ZNF681: variants seen among roughly 807,000 people sequenced by gnomAD.
ZNF681 encodes zinc finger protein 681, also known as hypothetical protein FLJ31526.
In ZNF681, 37 loss-of-function variants were observed where a neutral mutation model predicts 56.0. That is an observed-to-expected ratio of 0.66 (90% CI 0.51 to 0.87). The LOEUF is 0.87. ZNF681 is among the 40% of genes least tolerant of loss of function. The pLI is 0.00. For missense variants in ZNF681, 741 were observed against 744.9 expected (o/e 0.99, Z 0.06); for synonymous variants, 225 against 248.6 (o/e 0.91, Z 0.89).
chr19:23,753,129 TGG>T (rs1198988450), intron 3 of ZNF681, among the ~76,000 whole-genome samples: 2 of 152,286 alleles, frequency 1.3e-5, no homozygotes, highest in Non-Finnish European at 2.9e-5. Context: ...CCAGGCATGG[TGG>T]CTCATGCCTG....
At chr19:23,747,773 T>A (rs1968967659) in intron 3 of ZNF681, among the ~76,000 whole-genome samples, 1 of 152,024 alleles carries the variant, frequency 6.6e-6, no homozygotes, top group Non-Finnish European at 1.5e-5. Flanking sequence ...TTCTGGATTT[T>A]AAAAAATATT....
At chr19:23,750,754 T>A (rs7259465) in intron 3 of ZNF681, among the ~76,000 whole-genome samples, 143,043 of 146,758 alleles carry the variant, frequency 0.97, 69,788 homozygotes, top group Non-Finnish European at 1. Context: ...AAGTGGTAGG[T>A]TCCCTTGAAC....
Position 23,743,918 on chromosome 19 carries a change from G to A in ZNF681, c.1632C>T (p.Asn544=), listed in dbSNP as rs781076712. The A allele has an allele frequency of 5.4e-5, 87 of 1,605,636 alleles. 1 individual carries two copies. In the South Asian group the frequency reaches 8.4e-4, roughly 15 times the overall value. ...TATGTGTAGCAAGATGTGAGGAATGGTTAAAGGCTTTGCCACATTCTTCAC... is the reference window on the plus strand; with the variant it reads ...TATGTGTAGCAAGATGTGAGGAATGATTAAAGGCTTTGCCACATTCTTCAC... The part of the protein sequence containing the change: ...YTCEECGKAF[N]HSSHLATHKV... Residue 544 remains asparagine (N), a synonymous_variant, in exon 4 of 4, where the codon AAC becomes AAT. Transcript: ENST00000402377.
rs1171870243 is a variant in ZNF681, at chr19:23,758,820, G to A, written c.-71C>T. 5.6e-6 allele frequency: 9 copies of A among 1,604,716 alleles called. No individual in the cohort carries two copies. In the African/African-American group the frequency reaches 9.4e-5, roughly 17 times the overall value. On this transcript the variant is annotated 5_prime_UTR_variant, in exon 1 of 4. Coordinates refer to ENST00000402377, the MANE Select transcript of ZNF681 (RefSeq NM_138286.3). ...TACCTGCAGGTCAGAGGGCCATAGA[G>A]GCTGGGCCTCTAGAAGAAGAGGACA...
chr19:23,757,725 C>T (rs1384498075), intron 1 of ZNF681, among the ~76,000 whole-genome samples: 1 of 152,060 alleles, frequency 6.6e-6, no homozygotes, highest in Non-Finnish European at 1.5e-5. Context: ...AAGGGTAGGG[C>T]CAGACCTAAA....
intron 3 of ZNF681, among the ~76,000 whole-genome samples, chr19:23,751,700 T>A (rs1599457764): frequency 1.3e-5 from 2 of 151,428 alleles, no homozygotes; most frequent in South Asian, 2.1e-4. Context: ...TTATTTATTT[T>A]TTTGAGATGG....
intron 3 of ZNF681, among the ~76,000 whole-genome samples, chr19:23,750,521 T>C (rs1969011835): frequency 6.6e-6 from 1 of 151,454 alleles, no homozygotes; most frequent in Non-Finnish European, 1.5e-5. Flanking sequence ...CACAAGAAAC[T>C]AATATTAAGA....
chr19:23,757,980 T>A (rs1969148681), intron 1 of ZNF681, among the ~76,000 whole-genome samples: 1 of 152,216 alleles, frequency 6.6e-6, no homozygotes, highest in Non-Finnish European at 1.5e-5. Flanking sequence ...AGGGTAATTT[T>A]ATTAAAAGAT....
At chr19:23,756,902 G>A (rs188701969) in intron 1 of ZNF681, among the ~76,000 whole-genome samples, 14 of 151,482 alleles carry the variant, frequency 9.2e-5, no homozygotes, top group African/African-American at 3.2e-4. Flanking sequence ...TTGGAGTCTC[G>A]CTCTGTCACC....
chr19:23,752,818 C>T (rs932400274), intron 3 of ZNF681, among the ~76,000 whole-genome samples: 2 of 152,086 alleles, frequency 1.3e-5, no homozygotes, highest in South Asian at 2.1e-4. Flanking sequence ...TTTAAAGACA[C>T]TAATACAAAA....
chr19:23,756,669 G>C (rs980240665), intron 1 of ZNF681, among the ~76,000 whole-genome samples: 1 of 152,028 alleles, frequency 6.6e-6, no homozygotes, highest in East Asian at 1.9e-4. Flanking sequence ...GAGAGAAAGA[G>C]CATTAGGATA....
rs1335996760 is a variant in ZNF681 at position 23,740,449 on chromosome 19, G to C, written c.*3163C>G. ...TCAGCAAAACTGAGCTTTGCAGCCTGAAAATAAATGTCCTCTCCACATAAA... is the reference window on the plus strand; with the variant it reads ...TCAGCAAAACTGAGCTTTGCAGCCTCAAAATAAATGTCCTCTCCACATAAA... On this transcript the variant is annotated 3_prime_UTR_variant, in exon 4 of 4. Transcript: ENST00000402377. 6.6e-6 allele frequency: 1 copy of C among 152,080 alleles called. No homozygotes were observed. The highest frequency in any genetic ancestry group is 1.5e-5 in the Non-Finnish European group (1 of 67,994). 9.4% of individuals were successfully genotyped at this position (152,080 alleles called of 1,614,324 possible).
Position 23,744,717 on chromosome 19 carries a change from C to G in ZNF681, c.833G>C (p.Gly278Ala), listed in dbSNP as rs1330999850. 11 of 1,613,882 alleles carry G rather than the reference C, an allele frequency of 6.8e-6. No homozygotes were observed. Among genetic ancestry groups the G allele is most frequent in the South Asian group, 1.1e-5 (1 of 91,086 alleles). ...HITTHTIIHT[G>A]ENPYKREECD... is the part of the protein sequence containing the mutation. The stretch of plus-strand genomic sequence containing the variant: ...TTCTTCACGTTTGTAGGGATTCTCT[C>G]CAGTATGAATTATTGTATGTGTTGT... Residue 278 changes from glycine to alanine, a missense_variant, in exon 4 of 4, where the codon GGA becomes GCA. Gly to Ala is a moderately conservative substitution (Grantham distance 60). Coordinates refer to ENST00000402377, the MANE Select transcript of ZNF681 (RefSeq NM_138286.3).
intron 3 of ZNF681, among the ~76,000 whole-genome samples, chr19:23,748,556 G>A (rs577188415): frequency 2.6e-5 from 4 of 152,128 alleles, no homozygotes; most frequent in South Asian, 4.2e-4. Flanking sequence ...AGAAGTTCAC[G>A]GCCCTTATTC....
intron 3 of ZNF681, among the ~76,000 whole-genome samples, chr19:23,753,738 G>A (rs1275272845): frequency 6.6e-6 from 1 of 151,308 alleles, no homozygotes; most frequent in Non-Finnish European, 1.5e-5. Context: ...GTGAGCACCT[G>A]TAGTTCCAGC....
chr19:23,747,612 C>T (rs12461225), intron 3 of ZNF681, among the ~76,000 whole-genome samples: 24,082 of 139,456 alleles, frequency 0.17, 2,819 homozygotes, highest in East Asian at 0.52. Flanking sequence ...TGCAGTCCAG[C>T]CTGGGCGAGA....
Position 23,741,888 on chromosome 19 carries a change from T to C in ZNF681, c.*1724A>G, listed in dbSNP as rs1410992952. ...ACACATACTATGTACCCACAAAAAT[T>C]AAGAAAAATAAGTTTAAATAAGAAA... On this transcript the variant is annotated 3_prime_UTR_variant, in exon 4 of 4. Coordinates refer to ENST00000402377, the MANE Select transcript of ZNF681 (RefSeq NM_138286.3). 1 of 151,820 alleles carries C rather than the reference T, an allele frequency of 6.6e-6. No individual in the cohort carries two copies. Among genetic ancestry groups the C allele is most frequent in the Non-Finnish European group, 1.5e-5 (1 of 67,966 alleles). 9.4% of individuals were successfully genotyped at this position (151,820 alleles called of 1,614,324 possible).
rs752552513 is a variant in ZNF681 at position 23,743,985 on chromosome 19, G to A, written c.1565C>T (p.Thr522Ile). 1.8e-5 allele frequency: 29 copies of A among 1,612,840 alleles called. No homozygotes were observed. The highest frequency in any genetic ancestry group is 2.1e-5 in the Non-Finnish European group (25 of 1,179,920). The change falls in exon 4 of 4, where the codon ACT becomes ATT. Residue 522 changes from threonine (T) to isoleucine (I), a missense_variant. Thr to Ile is a moderately conservative substitution (Grantham distance 89). Coordinates refer to ENST00000402377, the MANE Select transcript of ZNF681 (RefSeq NM_138286.3). ...TCCAGTATGAATTTTCTTATGTTCAGTAAGTTTTGAGGATCGATAGAAAGC... is the reference window on the plus strand; with the variant it reads ...TCCAGTATGAATTTTCTTATGTTCAATAAGTTTTGAGGATCGATAGAAAGC... ...GKAFYRSSKLTEHKKIHTGEK... is the reference protein window; with the variant it reads ...GKAFYRSSKLIEHKKIHTGEK...
At position 23,744,885 on chromosome 19, in the gene ZNF681, C is replaced by A; in HGVS notation, c.665G>T (p.Gly222Val). Reference sequence around the variant, plus strand: ...TTCTTCACATATGTACGATTTCTCTCCAATATGAATTCTTTTATGTTTAGT... The same window carrying A: ...TTCTTCACATATGTACGATTTCTCTACAATATGAATTCTTTTATGTTTAGT... ...IFTKHKRIHIGEKSYICEECG... is the reference protein window; with the variant it reads ...IFTKHKRIHIVEKSYICEECG... The change falls in exon 4 of 4, where the codon GGA becomes GTA. Residue 222 changes from glycine to valine, a missense_variant. Coordinates refer to ENST00000402377, the MANE Select transcript of ZNF681 (RefSeq NM_138286.3). 6.2e-7 allele frequency: 1 copy of A among 1,612,488 alleles called. No individual in the cohort carries two copies. Among genetic ancestry groups the A allele is most frequent in the Non-Finnish European group, 8.5e-7 (1 of 1,179,340 alleles).
Sources: allele counts gnomAD v4.1 joint callset (sites outside exome capture counted in the v4.1 genomes callset), GRCh38; gene constraint gnomAD v4.1.1; transcripts MANE v1.5; gene names NCBI Gene and HGNC (gene_info 2026-07-23, HGNC 2026-07-21).